CELF2: variants seen among roughly 807,000 people sequenced by gnomAD.
CELF2 encodes CUGBP Elav-like family member 2, also known as CUG triplet repeat RNA-binding protein 2.
A neutral mutation model predicts 62.6 loss-of-function variants in CELF2; 8 were observed. That is an observed-to-expected ratio of 0.13 (90% CI 0.07 to 0.23). The LOEUF is 0.23. CELF2 is among the 10% of genes least tolerant of loss of function. The pLI is 1.00. For missense variants in CELF2, 333 were observed against 671.0 expected, an observed-to-expected ratio of 0.50 and a Z score of 5.56; for synonymous variants, 258 against 250.0, an observed-to-expected ratio of 1.03 and a Z score of -0.30.
the CELF2 span, among the ~76,000 whole-genome samples, chr10:10,666,134 A>G: frequency 6.6e-6 from 1 of 152,100 alleles, no homozygotes; most frequent in Admixed American, 6.5e-5. Context: ...TTCCAAATCT[A>G]CTCAGCCTGA....
chr10:10,494,072 C>T, the CELF2 span, among the ~76,000 whole-genome samples: 1 of 152,188 alleles, frequency 6.6e-6, no homozygotes, highest in African/African-American at 2.4e-5. Flanking sequence ...ATGTCTCTCC[C>T]AAGAGAGGCT....
the CELF2 span, among the ~76,000 whole-genome samples, chr10:10,651,025 G>A: frequency 7.2e-5 from 11 of 151,948 alleles, no homozygotes; most frequent in Non-Finnish European, 1.3e-4. Context: ...CACCGTGCGC[G>A]AGCCGAAGCA....
At chr10:11,254,394 A>G (rs1044183598) in intron 4 of CELF2, among the ~76,000 whole-genome samples, 4 of 152,266 alleles carry the variant, frequency 2.6e-5, no homozygotes, top group Non-Finnish European at 5.9e-5. Flanking sequence ...TAACATTTTG[A>G]TAACGTGGAT....
rs578203043 is a variant in CELF2, at chr10:11,191,493, C to T, written c.271+25811C>T. ...ACCAGGACGTGCTGTGGGGCGTCAG[C>T]TACCAACCTTGTGGTCTCGGGAAAG... On this transcript the variant is annotated intron_variant, in intron 2 of 12. Coordinates refer to ENST00000633077, the MANE Select transcript of CELF2 (RefSeq NM_001326342.2). The surrounding 1 kb of genome is among the most constrained non-coding windows in gnomAD (Gnocchi z 4.1). Among the ~76,000 whole-genome samples the T allele has an allele frequency of 6.6e-6, 1 of 152,262 alleles. No individual in the cohort carries two copies. Among genetic ancestry groups the T allele is most frequent in the East Asian group, 1.9e-4 (1 of 5,178 alleles).
chr10:11,089,143 A>C (rs1296085992), intron 1 of CELF2, among the ~76,000 whole-genome samples: 1 of 152,156 alleles, frequency 6.6e-6, no homozygotes, highest in Non-Finnish European at 1.5e-5. Flanking sequence ...GCCCAGATTC[A>C]AGAGGAGAGG....
chr10:10,608,932 A>G, the CELF2 span, among the ~76,000 whole-genome samples: 1 of 152,146 alleles, frequency 6.6e-6, no homozygotes, highest in Non-Finnish European at 1.5e-5. Flanking sequence ...GAAAGTATAA[A>G]CGCTCCAGAA....
chr10:10,926,515 T>C (rs2065472477), intron 2 of CELF2, among the ~76,000 whole-genome samples: 1 of 152,226 alleles, frequency 6.6e-6, no homozygotes, highest in Non-Finnish European at 1.5e-5. Context: ...GATTCTGTTA[T>C]AACAGCACAA....
chr10:11,260,250 G>A lies in CELF2; in HGVS notation c.538+2378G>A, dbSNP rs113810036. Among the ~76,000 whole-genome samples, 515 of 152,296 alleles carry A rather than the reference G, an allele frequency of 3.4e-3. 2 individuals are homozygous for A. The highest frequency in any genetic ancestry group is 0.011 in the African/African-American group (452 of 41,556). On this transcript the variant is annotated intron_variant, in intron 5 of 12. Transcript: ENST00000633077. This position sits in a 1 kb window ranked among gnomAD's most constrained non-coding sequence, Gnocchi z 4.2. The stretch of plus-strand genomic sequence containing the variant: ...GAGCATACCCTCTGCATGTGTTAGC[G>A]GAGAGACCCCGGGCGGGCAGTATGT...
chr10:10,700,140 G>A, the CELF2 span, among the ~76,000 whole-genome samples: 8 of 152,174 alleles, frequency 5.3e-5, no homozygotes, highest in Admixed American at 1.3e-4. Flanking sequence ...GAAACTCTGT[G>A]TGTCCATTGC....
At chr10:10,986,302 T>G (rs528530313) in intron 2 of CELF2, among the ~76,000 whole-genome samples, 2 of 152,334 alleles carry the variant, frequency 1.3e-5, no homozygotes, top group Non-Finnish European at 2.9e-5. Flanking sequence ...AGAGATTTTT[T>G]CCCTCTAATA....
the CELF2 span, among the ~76,000 whole-genome samples, chr10:10,651,767 G>C: frequency 2.0e-5 from 3 of 151,628 alleles, no homozygotes; most frequent in Non-Finnish European, 4.4e-5. Flanking sequence ...CACAAAGATG[G>C]GGAAAAAAAA....
the CELF2 span, among the ~76,000 whole-genome samples, chr10:10,747,793 G>A: frequency 3.3e-5 from 5 of 152,128 alleles, no homozygotes; most frequent in East Asian, 1.9e-4. Context: ...TGCAAGCTCC[G>A]CTTCCAGGGT....
the CELF2 span, among the ~76,000 whole-genome samples, chr10:10,691,469 G>A: frequency 0.039 from 5,825 of 150,174 alleles, 290 homozygotes; most frequent in East Asian, 0.28. Context: ...ATAAACATAC[G>A]TGTGCATGTG....
At chr10:11,000,887 C>G (rs2054447959), upstream of CELF2, among the ~76,000 whole-genome samples, 1 of 152,186 alleles carries the variant, frequency 6.6e-6, no homozygotes, top group Non-Finnish European at 1.5e-5. Flanking sequence ...GCTTCTGTCC[C>G]CAGTGCTGCC....
intron 1 of CELF2, among the ~76,000 whole-genome samples, chr10:11,024,861 C>T (rs191808452): frequency 7.0e-4 from 106 of 152,272 alleles, no homozygotes; most frequent in African/African-American, 2.4e-3. Context: ...CTTGACATAG[C>T]TTTTGGACAG....
chr10:10,829,523 C>T (rs2057676088), intron 1 of CELF2, among the ~76,000 whole-genome samples: 1 of 152,114 alleles, frequency 6.6e-6, no homozygotes, highest in Admixed American at 6.6e-5. Context: ...AGATTTTGAT[C>T]AATTCAATCA....
chr10:10,649,107 A>G, the CELF2 span, among the ~76,000 whole-genome samples: 1 of 152,196 alleles, frequency 6.6e-6, no homozygotes, highest in Non-Finnish European at 1.5e-5. Context: ...GGTCTAAAGA[A>G]ACCATTATCC....
At chr10:10,684,296 G>A in the CELF2 span, among the ~76,000 whole-genome samples, 5 of 152,102 alleles carry the variant, frequency 3.3e-5, no homozygotes, top group African/African-American at 1.2e-4. Flanking sequence ...TTATCTAATT[G>A]TAGTCAGAGC....
chr10:11,084,139 A>G (rs556716087), intron 1 of CELF2, among the ~76,000 whole-genome samples: 24 of 152,364 alleles, frequency 1.6e-4, no homozygotes, highest in Admixed American at 7.2e-4. Flanking sequence ...AGAATTTACT[A>G]TCTTGTTTTC....
Sources: allele counts gnomAD v4.1 joint callset (sites outside exome capture counted in the v4.1 genomes callset), GRCh38; gene constraint gnomAD v4.1.1; non-coding constraint Gnocchi (gnomAD v3.1); transcripts MANE v1.5; gene names NCBI Gene and HGNC (gene_info 2026-07-23, HGNC 2026-07-21).